Variants in CCL23 observed in about 807,000 individuals in gnomAD.
CCL23 encodes the protein C-C motif chemokine 23.
Under a neutral mutation model 11.8 loss-of-function variants are expected in CCL23, and 10 were observed. The observed-to-expected ratio is 0.84, with a 90% CI of 0.52 to 1.43. CCL23 has a LOEUF of 1.43. Among genes scored for constraint, CCL23 ranks in the 40% most tolerant of loss-of-function variants. CCL23 has a pLI of 0.00. For synonymous variants in CCL23, 60 were observed against 61.0 expected, an observed-to-expected ratio of 0.98 and a Z score of 0.07; for missense variants, 181 against 170.9, an observed-to-expected ratio of 1.06 and a Z score of -0.33.
intron 3 of CCL23, 181 bp from the exon 4 acceptor site, chr17:36,013,489 T>C (rs2090073299): frequency 9.8e-6 from 6 of 611,266 alleles, no homozygotes; most frequent in Non-Finnish European, 1.7e-5. Context: ...CCCCTCAGCC[T>C]GTGGGACTCC....
At position 36,013,742 on chromosome 17, in the gene CCL23, A is replaced by T; in HGVS notation, c.302+2T>A. On this transcript the variant is annotated splice_donor_variant, in intron 3 of 3. Transcript: ENST00000615050. LOFTEE classifies it high-confidence loss of function. ...CACATGTTTGGTGAGCTTGGCACCT[A>T]CATGACACCCGGCTTGGAGCACTCG... The T allele has an allele frequency of 6.2e-7, 1 of 1,614,074 alleles. No homozygotes were observed. Among genetic ancestry groups the T allele is most frequent in the African/African-American group, 1.3e-5 (1 of 75,050 alleles).
chr17:36,014,460 C>G (rs2090083204), intron 1 of CCL23, 67 bp from the exon 2 acceptor site: 2 of 1,229,724 alleles, frequency 1.6e-6, no homozygotes, highest in African/African-American at 3.0e-5. Context: ...CATCTCCACC[C>G]ACCCCATTGC....
At chr17:36,013,477 AC>A (rs1308188315) in intron 3 of CCL23, among the ~76,000 whole-genome samples, 169 bp from the exon 4 acceptor site, 3 of 149,954 alleles carry the variant, frequency 2.0e-5, no homozygotes, top group Non-Finnish European at 4.4e-5. Flanking sequence ...TGCTCTTGAG[AC>A]CCCCTCAGCC....
chr17:36,013,389 T>C lies in CCL23; in HGVS notation c.303-81A>G, dbSNP rs73990623. On this transcript the variant is annotated intron_variant, in intron 3 of 3. Coordinates refer to ENST00000615050, the MANE Select transcript of CCL23 (RefSeq NM_005064.6). Reference sequence around the variant, plus strand: ...CAGGGGGCCCCATTCTCCCTGCCCCTCAGATTTCCCAGTCAATATAGCCAG... The same window carrying C: ...CAGGGGGCCCCATTCTCCCTGCCCCCCAGATTTCCCAGTCAATATAGCCAG... 3,450 of 818,616 alleles carry C rather than the reference T, an allele frequency of 4.2e-3. 90 individuals are homozygous for C. The African/African-American group carries it at 0.053, about 13-fold the overall frequency. The allele number at this position is 818,616 out of a possible 1,614,324, so 50.7% of individuals were successfully genotyped here.
chr17:36,013,584 A>C (rs2090074085), intron 3 of CCL23, 160 bp downstream of exon 3: 1 of 680,660 alleles, frequency 1.5e-6, no homozygotes, highest in Admixed American at 2.7e-5. Context: ...GGAGTGTCTC[A>C]TCCCCGATGC....
At chr17:36,016,440 T>C (rs9897400) in intron 1 of CCL23, among the ~76,000 whole-genome samples, 1 of 151,932 alleles carries the variant, frequency 6.6e-6, no homozygotes, top group African/African-American at 2.4e-5. Flanking sequence ...TTTCTGTTTC[T>C]GTGTTAGTTT....
intron 3 of CCL23, 66 bp downstream of exon 3, chr17:36,013,678 G>A (rs2090075130): frequency 6.6e-7 from 1 of 1,520,044 alleles, no homozygotes; most frequent in Admixed American, 1.7e-5. Flanking sequence ...AGTCTATCAG[G>A]TCCTCCCTGC....
intron 3 of CCL23, 145 bp downstream of exon 3, chr17:36,013,599 C>T (rs934475331): frequency 1.9e-5 from 14 of 739,488 alleles, no homozygotes; most frequent in Admixed American, 1.8e-4. Flanking sequence ...CGATGCCCTG[C>T]AGGATCTTCC....
intron 1 of CCL23, among the ~76,000 whole-genome samples, chr17:36,016,690 A>G (rs972970638): frequency 6.7e-6 from 1 of 150,154 alleles, no homozygotes; most frequent in African/African-American, 2.4e-5. Flanking sequence ...ATTTAAAAAT[A>G]AATATACTTT....
chr17:36,014,708 C>G (rs2142025209), intron 1 of CCL23, among the ~76,000 whole-genome samples: 1 of 152,308 alleles, frequency 6.6e-6, no homozygotes, highest in Middle Eastern at 3.4e-3. Context: ...ACAAGTCTCT[C>G]TACACATTTC....
In CCL23 at chr17:36,017,755, G is replaced by A. The variant is rs1032013475; in HGVS notation, c.76+67C>T. On this transcript the variant is annotated intron_variant, in intron 1 of 3. Coordinates refer to ENST00000615050, the MANE Select transcript of CCL23 (RefSeq NM_005064.6). ...TGGAGAGTAGTTACAGGAGGGCAAT[G>A]TGTCTCTGCCACAGAGCTTGAGTTA... 3 of 1,436,074 alleles carry A rather than the reference G, an allele frequency of 2.1e-6. No individual in the cohort carries two copies. In the East Asian group the frequency reaches 6.9e-5, roughly 33 times the overall value. The allele number at this position is 1,436,074 out of a possible 1,614,324, so 89.0% of individuals were successfully genotyped here.
At chr17:36,016,786 A>C (rs1207891060) in intron 1 of CCL23, among the ~76,000 whole-genome samples, 1 of 149,944 alleles carries the variant, frequency 6.7e-6, no homozygotes, top group African/African-American at 2.4e-5. Flanking sequence ...TTTAATGACT[A>C]TGCATTTAAT....
At chr17:36,013,346 G>T (rs2090071969) in intron 3 of CCL23, 38 bp from the exon 4 acceptor site, 1 of 1,373,018 alleles carries the variant, frequency 7.3e-7, no homozygotes, top group Non-Finnish European at 1.0e-6. Flanking sequence ...AAACTGAGGT[G>T]TGTCCAGCAC....
chr17:36,015,205 T>C (rs960409236), intron 1 of CCL23, among the ~76,000 whole-genome samples: 1 of 152,216 alleles, frequency 6.6e-6, no homozygotes, highest in Non-Finnish European at 1.5e-5. Context: ...TCATACACTA[T>C]TTGTCCTTTT....
intron 2 of CCL23, 104 bp from the exon 3 acceptor site, chr17:36,014,013 G>A (rs2090078725): frequency 2.5e-6 from 3 of 1,202,998 alleles, no homozygotes; most frequent in East Asian, 4.9e-5. Flanking sequence ...GAGTTGAGCT[G>A]TGTGTCTGAG....
In CCL23 at chr17:36,013,804, G is replaced by A. The variant is rs142522197; in HGVS notation, c.242C>T (p.Pro81Leu). The A allele has an allele frequency of 4.3e-5, 69 of 1,614,058 alleles. No individual in the cohort carries two copies. In the African/African-American group the frequency reaches 8.1e-4, roughly 19 times the overall value. The change falls in exon 3 of 4, where the codon CCG (proline) becomes CTG (leucine). Residue 81 changes from proline (P) to leucine (L), a missense_variant. Coordinates refer to ENST00000615050, the MANE Select transcript of CCL23 (RefSeq NM_005064.6). ...AAAGTAACTCTCCAGGAGTGAACAC[G>A]GGATGCTTCGTGGGGTGTAGGAGAT... is the stretch of plus-strand genomic sequence containing the variant. ...CCISYTPRSI[P>L]CSLLESYFET...
chr17:36,013,409 A>T (rs1045829427), intron 3 of CCL23, 101 bp from the exon 4 acceptor site: 1 of 714,730 alleles, frequency 1.4e-6, no homozygotes, highest in Admixed American at 2.7e-5. Context: ...CAGTCAATAT[A>T]GCCAGTTTTT....
Position 36,017,858 on chromosome 17 carries a change from C to A in CCL23, c.40G>T (p.Val14Phe). The A allele has an allele frequency of 6.2e-7, 1 of 1,614,176 alleles. No individual in the cohort carries two copies. Among genetic ancestry groups the A allele is most frequent in the Non-Finnish European group, 8.5e-7 (1 of 1,180,036 alleles). The stretch of plus-strand genomic sequence containing the variant: ...CGGGCCTGGGATCCAAGGGCAGTAA[C>A]AAGCATGAGGCAGGAGAGGGCAGCC... ...SVAALSCLML[V>F]TALGSQARVT... Residue 14 changes from valine to phenylalanine, a missense_variant, in exon 1 of 4, where the codon GTT becomes TTT. Coordinates refer to ENST00000615050, the MANE Select transcript of CCL23 (RefSeq NM_005064.6).
rs2090069268 is a variant in CCL23 at position 36,013,141 on chromosome 17, T to C, written c.*56A>G. On this transcript the variant is annotated 3_prime_UTR_variant, in exon 4 of 4. Transcript: ENST00000615050. ...TTCTTAAAAAAATAATTCAGGAAGG[T>C]AGTTGAGGCAAGAAAGTTGGTGGCT... is the stretch of plus-strand genomic sequence containing the variant. 3 of 928,740 alleles carry C rather than the reference T, an allele frequency of 3.2e-6. No individual in the cohort carries two copies. The highest frequency in any genetic ancestry group is 3.5e-5 in the Admixed American group (2 of 57,654). 57.5% of individuals were successfully genotyped at this position (928,740 alleles called of 1,614,324 possible). A position where few individuals can be genotyped will look rare whatever the true frequency, so the allele number is the denominator to read the frequency against.
Sources: allele counts gnomAD v4.1 joint callset (sites outside exome capture counted in the v4.1 genomes callset), GRCh38; gene constraint gnomAD v4.1.1; transcripts MANE v1.5; gene names NCBI Gene and HGNC (gene_info 2026-07-23, HGNC 2026-07-21).